The following ATP8A2 variants were observed in gnomAD, a reference collection of about 807,000 sequenced individuals.
ATP8A2 encodes the protein ATPase phospholipid transporting 8A2.
Under a neutral mutation model 165.6 loss-of-function variants are expected in ATP8A2, and 100 were observed. The observed-to-expected ratio is 0.60, with a 90% CI of 0.51 to 0.71. The LOEUF (loss-of-function observed/expected upper bound fraction) is 0.71, where lower values mean the gene tolerates loss of function less well. Ranked by LOEUF, ATP8A2 falls within the 30% of genes least tolerant of loss-of-function variation. ATP8A2 has a pLI of 0.00. For missense variants in ATP8A2, 1,227 were observed against 1,479.5 expected, an observed-to-expected ratio of 0.83 and a Z score of 2.80; for synonymous variants, 543 against 548.8, an observed-to-expected ratio of 0.99 and a Z score of 0.15.
At chr13:25,427,358 G>A (rs1306510890) in intron 1 of ATP8A2, among the ~76,000 whole-genome samples, 1 of 151,766 alleles carries the variant, frequency 6.6e-6, no homozygotes, top group Non-Finnish European at 1.5e-5. Context: ...CAAGCTCAAG[G>A]CTCCCACTGA....
rs970717727 is a variant in ATP8A2 at position 25,968,570 on chromosome 13, C to A, written c.3273-5C>A. The A allele has an allele frequency of 1.7e-5, 28 of 1,612,676 alleles. No homozygotes were observed. Among genetic ancestry groups the A allele is most frequent in the Non-Finnish European group, 2.4e-5 (28 of 1,179,488 alleles). On this transcript the variant is annotated splice_region_variant and splice_polypyrimidine_tract_variant and intron_variant, in intron 34 of 36. Transcript: ENST00000381655. ...TGTTCGTTTTGTCTTTTCCTCATAA[C>A]ACAGAGCCAAGCACACCTGCAAAAA...
chr13:25,562,491 A>G (rs2039187311), intron 15 of ATP8A2, among the ~76,000 whole-genome samples: 1 of 152,148 alleles, frequency 6.6e-6, no homozygotes, highest in African/African-American at 2.4e-5. Flanking sequence ...TGCCTGGAGA[A>G]TGGTCAGCCA....
At chr13:25,837,409 C>A in intron 29 of ATP8A2, 124 bp downstream of exon 29, 1 of 828,616 alleles carries the variant, frequency 1.2e-6, no homozygotes, top group Non-Finnish European at 1.9e-6. Context: ...AAACATGATC[C>A]ACTCACCCCA....
rs1491127289 is a variant in ATP8A2 at position 25,889,274 on chromosome 13, A to AT, written c.3183+26866_3183+26867insT. ...TATATATATATATATATATATATATAAAATTTAAATGATTTTAAAAAATAA... is the reference window on the plus strand; with the variant it reads ...TATATATATATATATATATATATATATAAATTTAAATGATTTTAAAAAATAA... On this transcript the variant is annotated intron_variant, in intron 33 of 36. Coordinates refer to ENST00000381655, the MANE Select transcript of ATP8A2 (RefSeq NM_016529.6). 3.6e-3 allele frequency among the ~76,000 whole-genome samples: 518 copies of AT among 143,622 alleles called. 4 individuals are homozygous for AT. The highest frequency in any genetic ancestry group is 0.011 in the African/African-American group (447 of 39,094). The allele number at this position is 143,622 out of a possible 152,430, so 94.2% of individuals were successfully genotyped here.
chr13:25,824,278 G>T (rs778289503), intron 27 of ATP8A2, among the ~76,000 whole-genome samples: 1 of 152,134 alleles, frequency 6.6e-6, no homozygotes, highest in Non-Finnish European at 1.5e-5. Flanking sequence ...TGCTAGCAGT[G>T]TCAATTCTGG....
intron 35 of ATP8A2, among the ~76,000 whole-genome samples, chr13:25,969,587 A>G (rs897384818): frequency 6.6e-6 from 1 of 152,252 alleles, no homozygotes; most frequent in Admixed American, 6.5e-5. Context: ...TAAAGCAATG[A>G]AGACAAAATA....
intron 33 of ATP8A2, among the ~76,000 whole-genome samples, chr13:25,929,245 C>T (rs1254944568): frequency 1.3e-5 from 2 of 152,118 alleles, no homozygotes; most frequent in African/African-American, 2.4e-5. Context: ...ACGTCCAGCA[C>T]GCAGGCAGAG....
intron 27 of ATP8A2, among the ~76,000 whole-genome samples, chr13:25,807,930 GTAA>G (rs982039675): frequency 1.3e-5 from 2 of 152,020 alleles, no homozygotes. Context: ...TTTTTCTACA[GTAA>G]GCTACTCATT....
chr13:25,373,343 C>A (rs2032494980), intron 1 of ATP8A2, among the ~76,000 whole-genome samples: 1 of 151,630 alleles, frequency 6.6e-6, no homozygotes, highest in South Asian at 2.1e-4. Flanking sequence ...GCAAGCTTAT[C>A]AGGTAATTTA....
intron 1 of ATP8A2, among the ~76,000 whole-genome samples, chr13:25,418,274 G>C (rs562025947): frequency 6.6e-6 from 1 of 152,244 alleles, no homozygotes; most frequent in East Asian, 1.9e-4. Context: ...ACTAGGAAAG[G>C]CTCTATGTTA....
chr13:25,740,080 C>G (rs967596613), intron 25 of ATP8A2, among the ~76,000 whole-genome samples: 1 of 152,040 alleles, frequency 6.6e-6, no homozygotes, highest in Non-Finnish European at 1.5e-5. Context: ...GAGGCCGAGA[C>G]GGGCGGATCA....
intron 33 of ATP8A2, among the ~76,000 whole-genome samples, chr13:25,942,469 C>G (rs1395462349): frequency 6.6e-6 from 1 of 152,198 alleles, no homozygotes; most frequent in African/African-American, 2.4e-5. Flanking sequence ...GTACCCTAGG[C>G]TGGAGTGCAG....
chr13:25,926,040 A>T (rs756524494), intron 33 of ATP8A2, among the ~76,000 whole-genome samples: 1 of 152,278 alleles, frequency 6.6e-6, no homozygotes, highest in Admixed American at 6.5e-5. Flanking sequence ...CTCAATTTTC[A>T]TAGTAAATTT....
chr13:25,959,910 TCA>T (rs1391700841), intron 33 of ATP8A2, among the ~76,000 whole-genome samples: 1 of 152,254 alleles, frequency 6.6e-6, no homozygotes, highest in East Asian at 1.9e-4. Context: ...CAAAATGTAC[TCA>T]CACATTTTTA....
chr13:25,770,854 A>G (rs900311548), intron 26 of ATP8A2, among the ~76,000 whole-genome samples: 2 of 152,206 alleles, frequency 1.3e-5, no homozygotes, highest in Non-Finnish European at 2.9e-5. Flanking sequence ...GTTCACCTTA[A>G]TCACATGAAC....
At chr13:25,949,813 T>A (rs1440190725) in intron 33 of ATP8A2, among the ~76,000 whole-genome samples, 1 of 152,186 alleles carries the variant, frequency 6.6e-6, no homozygotes, top group Non-Finnish European at 1.5e-5. Flanking sequence ...CTGCCTTTTT[T>A]TTCTGAGACA....
At chr13:25,610,883 C>CTTTTT (rs56730760) in intron 24 of ATP8A2, among the ~76,000 whole-genome samples, 17 of 120,656 alleles carry the variant, frequency 1.4e-4, no homozygotes, top group African/African-American at 5.5e-4. Context: ...AGGTATATTC[C>CTTTTT]TTTTTTTTTT....
chr13:25,492,538 C>A (rs2036558876), intron 2 of ATP8A2, among the ~76,000 whole-genome samples: 1 of 152,178 alleles, frequency 6.6e-6, no homozygotes, highest in Admixed American at 6.5e-5. Flanking sequence ...TCACAAGATG[C>A]CCAGCCTTGA....
At chr13:25,751,617 G>A (rs1161411583) in intron 25 of ATP8A2, among the ~76,000 whole-genome samples, 1 of 151,930 alleles carries the variant, frequency 6.6e-6, no homozygotes. Context: ...AAAATTTTCT[G>A]TAGAGACAAG....
Sources: allele counts gnomAD v4.1 joint callset (sites outside exome capture counted in the v4.1 genomes callset), GRCh38; gene constraint gnomAD v4.1.1; transcripts MANE v1.5; gene names NCBI Gene and HGNC (gene_info 2026-07-23, HGNC 2026-07-21).